The following DRC8 variants were observed in gnomAD, a reference collection of about 807,000 sequenced individuals.
DRC8 encodes the protein dynein regulatory complex subunit 8.
the DRC8 span, chr1:245,082,076 T>A: frequency 6.3e-7 from 1 of 1,599,738 alleles, no homozygotes; most frequent in South Asian, 1.1e-5. Context: ...ACTTATTGAA[T>A]GTTTAGGTAG....
the DRC8 span, among the ~76,000 whole-genome samples, chr1:245,003,482 G>GTTTTACC: frequency 6.6e-6 from 1 of 152,222 alleles, no homozygotes. Context: ...AAAGCCAATG[G>GTTTTACC]TGGCTGGCTC....
the DRC8 span, among the ~76,000 whole-genome samples, chr1:245,113,049 TG>T: frequency 1.3e-5 from 2 of 152,168 alleles, no homozygotes; most frequent in Admixed American, 1.3e-4. Context: ...CCACTGCACC[TG>T]GCCCCTGATA....
At chr1:245,011,533 C>T in the DRC8 span, among the ~76,000 whole-genome samples, 1 of 152,210 alleles carries the variant, frequency 6.6e-6, no homozygotes, top group Non-Finnish European at 1.5e-5. Flanking sequence ...GTATACTGTA[C>T]AGGTTGAGTG....
the DRC8 span, among the ~76,000 whole-genome samples, chr1:244,984,800 A>C: frequency 1.4e-5 from 2 of 140,696 alleles, no homozygotes; most frequent in African/African-American, 2.7e-5. Context: ...ATGCCACTAC[A>C]CTCCAGCCTG....
chr1:245,102,294 C>G, the DRC8 span, among the ~76,000 whole-genome samples: 1 of 152,134 alleles, frequency 6.6e-6, no homozygotes, highest in South Asian at 2.1e-4. Flanking sequence ...TGTACAGAAC[C>G]TCTGAATCCA....
At chr1:245,115,537 A>C in the DRC8 span, among the ~76,000 whole-genome samples, 7 of 152,210 alleles carry the variant, frequency 4.6e-5, no homozygotes, top group Non-Finnish European at 7.3e-5. Flanking sequence ...GCCAACTCTG[A>C]CATGTAGGAC....
the DRC8 span, among the ~76,000 whole-genome samples, chr1:245,079,624 C>T: frequency 4.6e-5 from 7 of 152,094 alleles, no homozygotes; most frequent in African/African-American, 1.2e-4. Context: ...AACCACGGTT[C>T]GTAGCTTGAT....
At chr1:245,038,250 C>G in the DRC8 span, among the ~76,000 whole-genome samples, 3,128 of 152,296 alleles carry the variant, frequency 0.021, 111 homozygotes, top group African/African-American at 0.07. Context: ...GCAAGCAGAT[C>G]ACGAGGTCAG....
chr1:245,117,833 GT>G, the DRC8 span, among the ~76,000 whole-genome samples: 1 of 152,120 alleles, frequency 6.6e-6, no homozygotes, highest in Non-Finnish European at 1.5e-5. Flanking sequence ...GCTGAGTGTG[GT>G]GGTGTGCACC....
the DRC8 span, among the ~76,000 whole-genome samples, chr1:244,982,694 A>G: frequency 1.3e-4 from 20 of 152,182 alleles, no homozygotes; most frequent in African/African-American, 2.4e-5. Context: ...GAATGAAAAA[A>G]CAACACCCAA....
At chr1:245,082,167 G>A in the DRC8 span, 2 of 1,606,574 alleles carry the variant, frequency 1.2e-6, no homozygotes, top group East Asian at 2.2e-5. Context: ...AAGAAAGTAA[G>A]TAAGTAAATG....
At chr1:245,058,458 C>T in the DRC8 span, among the ~76,000 whole-genome samples, 11 of 152,202 alleles carry the variant, frequency 7.2e-5, no homozygotes, top group Admixed American at 5.9e-4. Flanking sequence ...CAACCTCTTT[C>T]AGTGAAGAAA....
chr1:245,115,891 T>C, the DRC8 span, among the ~76,000 whole-genome samples: 73,102 of 148,316 alleles, frequency 0.49, 19,803 homozygotes, highest in Non-Finnish European at 0.61. Context: ...CTATCTCTTT[T>C]TTTTTTTTTT....
chr1:245,066,832 G>A, the DRC8 span, among the ~76,000 whole-genome samples: 11 of 152,022 alleles, frequency 7.2e-5, no homozygotes, highest in South Asian at 4.2e-4. Flanking sequence ...GCGTGAACCC[G>A]GGAGGCGGAG....
chr1:244,986,982 C>G, the DRC8 span, among the ~76,000 whole-genome samples: 2 of 152,078 alleles, frequency 1.3e-5, no homozygotes, highest in African/African-American at 2.4e-5. Flanking sequence ...TATCTAAGGT[C>G]CATCCTCAAG....
At chr1:245,038,957 T>C in the DRC8 span, among the ~76,000 whole-genome samples, 1 of 151,358 alleles carries the variant, frequency 6.6e-6, no homozygotes. Flanking sequence ...AAATGGCTAA[T>C]ATCCCTGATA....
chr1:245,072,834 G>C, the DRC8 span, among the ~76,000 whole-genome samples: 1 of 152,018 alleles, frequency 6.6e-6, no homozygotes, highest in Non-Finnish European at 1.5e-5. Context: ...TTAAAACTGC[G>C]TGGCTCCTCC....
At chr1:245,063,142 C>T in the DRC8 span, among the ~76,000 whole-genome samples, 1 of 152,164 alleles carries the variant, frequency 6.6e-6, no homozygotes, top group Non-Finnish European at 1.5e-5. Flanking sequence ...ATTCTGCCCT[C>T]CCACTTCCGT....
the DRC8 span, among the ~76,000 whole-genome samples, chr1:245,059,194 C>A: frequency 6.6e-6 from 1 of 152,160 alleles, no homozygotes; most frequent in African/African-American, 2.4e-5. Context: ...GTCAATGAAA[C>A]CATTTCTTTC....
Sources: gnomAD v4.1 joint callset for allele counts (sites outside exome capture counted in the v4.1 genomes callset) on GRCh38, gnomAD v4.1.1 for gene constraint, MANE v1.5 for transcripts, NCBI Gene and HGNC (gene_info 2026-07-23, HGNC 2026-07-21) for gene names.